The following SORCS1 variants were observed in gnomAD, a reference collection of about 807,000 sequenced individuals.
SORCS1 encodes the protein VPS10 domain-containing receptor SorCS1.
In SORCS1, 60 loss-of-function variants were observed where a neutral mutation model predicts 146.1. The ratio of observed to expected loss-of-function variants is 0.41; its 90% CI spans 0.33 to 0.51. The LOEUF is 0.51. Ranked by LOEUF, SORCS1 falls within the 20% of genes least tolerant of loss-of-function variation. SORCS1 has a pLI of 0.21. For missense variants in SORCS1, 1,352 were observed against 1,487.6 expected (o/e 0.91, Z 1.50); for synonymous variants, 637 against 584.0 (o/e 1.09, Z -1.31).
intron 1 of SORCS1, among the ~76,000 whole-genome samples, chr10:107,141,635 T>C (rs1249822804): frequency 6.6e-6 from 1 of 152,194 alleles, no homozygotes; most frequent in Non-Finnish European, 1.5e-5. Context: ...GTAACGGGCA[T>C]GGGGCAGAGG....
intron 6 of SORCS1, among the ~76,000 whole-genome samples, chr10:106,714,101 A>C (rs1457217108): frequency 8.2e-6 from 1 of 121,942 alleles, no homozygotes; most frequent in African/African-American, 3.2e-5. Flanking sequence ...ACGGCACTGC[A>C]CTCCAGCCTG....
chr10:106,875,481 T>C (rs961716734), intron 2 of SORCS1, among the ~76,000 whole-genome samples: 1 of 152,162 alleles, frequency 6.6e-6, no homozygotes, highest in Non-Finnish European at 1.5e-5. Flanking sequence ...AGATACTCAG[T>C]AGTGGGATTG....
At chr10:106,632,140 C>T (rs1469470556) in intron 18 of SORCS1, among the ~76,000 whole-genome samples, 1 of 152,092 alleles carries the variant, frequency 6.6e-6, no homozygotes, top group African/African-American at 2.4e-5. Flanking sequence ...CACCTGACAG[C>T]CCCTGAAGAC....
At chr10:106,837,895 G>T (rs545078018) in intron 2 of SORCS1, among the ~76,000 whole-genome samples, 4 of 151,810 alleles carry the variant, frequency 2.6e-5, no homozygotes, top group African/African-American at 9.7e-5. Context: ...AGCACACTCT[G>T]CCCTTCCTAG....
chr10:107,101,558 T>C (rs1005502758), intron 1 of SORCS1, among the ~76,000 whole-genome samples: 25 of 152,314 alleles, frequency 1.6e-4, no homozygotes, highest in Admixed American at 1.5e-3. Flanking sequence ...GTGCTTCACC[T>C]AGACAGCCCT....
intron 1 of SORCS1, among the ~76,000 whole-genome samples, chr10:107,003,429 A>AGT (rs59467041): frequency 0.21 from 29,329 of 140,202 alleles, 3,265 homozygotes; most frequent in East Asian, 0.29. Context: ...AATTCCCATA[A>AGT]GTGTGTGTGT....
At chr10:107,174,803 A>G in the SORCS1 span, among the ~76,000 whole-genome samples, 4 of 152,136 alleles carry the variant, frequency 2.6e-5, no homozygotes, top group African/African-American at 9.7e-5. Flanking sequence ...GATGAATATG[A>G]TATTGAATAG....
intron 2 of SORCS1, among the ~76,000 whole-genome samples, chr10:106,866,079 T>A (rs1436244132): frequency 6.7e-6 from 1 of 150,118 alleles, no homozygotes; most frequent in African/African-American, 2.4e-5. Context: ...CCTGTTCCCA[T>A]ATCTCCTCAC....
chr10:106,957,875 G>A (rs1482629486), intron 1 of SORCS1, among the ~76,000 whole-genome samples: 1 of 152,142 alleles, frequency 6.6e-6, no homozygotes, highest in African/African-American at 2.4e-5. Context: ...ACATTTATTA[G>A]GAGCCCAGGA....
chr10:106,774,336 T>C (rs935734213), intron 4 of SORCS1, among the ~76,000 whole-genome samples: 1 of 152,182 alleles, frequency 6.6e-6, no homozygotes, highest in African/African-American at 2.4e-5. Context: ...GATGCAAATT[T>C]CTGAAGGCTC....
At chr10:107,048,620 G>C (rs550520779) in intron 1 of SORCS1, among the ~76,000 whole-genome samples, 5 of 152,070 alleles carry the variant, frequency 3.3e-5, no homozygotes, top group African/African-American at 9.7e-5. Flanking sequence ...TATGGCGTAC[G>C]TGAAGATGGA....
intron 1 of SORCS1, among the ~76,000 whole-genome samples, chr10:107,001,450 T>C (rs1051351604): frequency 6.6e-6 from 1 of 152,090 alleles, no homozygotes; most frequent in African/African-American, 2.4e-5. Context: ...AGTAATCTAC[T>C]TATAAGCAAA....
At chr10:106,607,892 T>C (rs1846717718) in intron 22 of SORCS1, among the ~76,000 whole-genome samples, 1 of 152,136 alleles carries the variant, frequency 6.6e-6, no homozygotes, top group Non-Finnish European at 1.5e-5. Context: ...CCTGTTGACT[T>C]TTCTGCAGCA....
chr10:107,140,101 C>A (rs1967683883), intron 1 of SORCS1, among the ~76,000 whole-genome samples: 3 of 152,220 alleles, frequency 2.0e-5, no homozygotes, highest in African/African-American at 7.2e-5. Flanking sequence ...ATAAAATAAT[C>A]TCCATCTTGA....
In SORCS1 at chr10:107,055,879, T is replaced by G. The variant is rs193187742; in HGVS notation, c.559-99299A>C. On this transcript the variant is annotated intron_variant, in intron 1 of 25. Transcript: ENST00000263054. ...GAGACATATTCTGTTCAAGGGAGTT[T>G]CTATCAGAGCCAGTCCATAACTACC... 5.9e-5 allele frequency among the ~76,000 whole-genome samples: 9 copies of G among 152,294 alleles called. No individual in the cohort carries two copies. In the East Asian group the frequency reaches 1.5e-3, roughly 26 times the overall value.
At chr10:106,819,028 A>G (rs1947881015) in intron 3 of SORCS1, among the ~76,000 whole-genome samples, 1 of 152,224 alleles carries the variant, frequency 6.6e-6, no homozygotes, top group South Asian at 2.1e-4. Context: ...AGTTCTTAAA[A>G]AAGATCTGGA....
chr10:106,738,402 G>A (rs143125983), intron 5 of SORCS1, among the ~76,000 whole-genome samples: 1 of 152,210 alleles, frequency 6.6e-6, no homozygotes, highest in Non-Finnish European at 1.5e-5. Flanking sequence ...GGAGACCTGG[G>A]ATTTTCTCAA....
At chr10:106,916,250 T>C (rs921873384) in intron 2 of SORCS1, among the ~76,000 whole-genome samples, 39 of 152,270 alleles carry the variant, frequency 2.6e-4, no homozygotes, top group African/African-American at 7.9e-4. Context: ...TCATTTCTGC[T>C]TTCGGTCACT....
At chr10:106,764,580 T>C (rs1037229064) in intron 4 of SORCS1, among the ~76,000 whole-genome samples, 3 of 152,202 alleles carry the variant, frequency 2.0e-5, no homozygotes, top group African/African-American at 7.2e-5. Context: ...CTATCATTAC[T>C]ATCTGTCACA....
Sources: allele counts gnomAD v4.1 joint callset (sites outside exome capture counted in the v4.1 genomes callset), GRCh38; gene constraint gnomAD v4.1.1; transcripts MANE v1.5; gene names NCBI Gene and HGNC (gene_info 2026-07-23, HGNC 2026-07-21).